Variants in SUPT3H observed in about 807,000 individuals in gnomAD.
SUPT3H encodes SPT3 homolog, SAGA and STAGA complex component, also known as transcription initiation protein SPT3 homolog.
In SUPT3H, 44 loss-of-function variants were observed where a neutral mutation model predicts 44.3. The observed-to-expected ratio is 0.99, with a 90% CI of 0.78 to 1.28. The LOEUF is 1.28. SUPT3H is among the 50% of genes most tolerant of loss of function. The pLI, the probability that SUPT3H is intolerant of heterozygous loss-of-function variation, is 0.00. For missense variants in SUPT3H, 380 were observed against 387.1 expected, an observed-to-expected ratio of 0.98 and a Z score of 0.15; for synonymous variants, 124 against 125.6, an observed-to-expected ratio of 0.99 and a Z score of 0.09.
rs1768471533 is a variant in SUPT3H at position 44,830,524 on chromosome 6, T to G, written c.913-667A>C. On this transcript the variant is annotated intron_variant, in intron 10 of 10. Transcript: ENST00000371459. ...GATTCTAAGTGCAATAATTAATACG[T>G]TTCAGTAAAGAAAGAAAAGTTGCAT... Among the ~76,000 whole-genome samples the G allele has an allele frequency of 2.0e-5, 3 of 152,210 alleles. No homozygotes were observed. The East Asian group carries it at 5.8e-4, about 29-fold the overall frequency.
intron 2 of SUPT3H, among the ~76,000 whole-genome samples, chr6:45,242,775 C>T (rs13197348): frequency 0.014 from 2,078 of 152,220 alleles, 34 homozygotes; most frequent in Middle Eastern, 0.037. Context: ...CAATGACTCA[C>T]CACCAAATAA....
chr6:44,889,693 T>C (rs914030796), intron 10 of SUPT3H, among the ~76,000 whole-genome samples: 10 of 152,268 alleles, frequency 6.6e-5, no homozygotes, highest in African/African-American at 2.4e-4. Flanking sequence ...ATTCAGGACA[T>C]AGGCATGGGC....
intron 3 of SUPT3H, among the ~76,000 whole-genome samples, chr6:45,049,999 G>A (rs933001676): frequency 1.3e-5 from 2 of 152,082 alleles, no homozygotes; most frequent in Admixed American, 6.5e-5. Context: ...GCAGCAGAAT[G>A]TTCTGGGGAA....
Position 44,953,302 on chromosome 6 carries a change from G to T in SUPT3H, c.801+8C>A, listed in dbSNP as rs372071240. On this transcript the variant is annotated splice_region_variant and intron_variant, in intron 9 of 10. Coordinates refer to ENST00000371459, the MANE Select transcript of SUPT3H (RefSeq NM_003599.4). ...AAATGTTTTAAGACAGATTTTTTTT[G>T]TACTTACCTCAGCAGAGTTGTGATA... is the stretch of plus-strand genomic sequence containing the variant. The T allele has an allele frequency of 6.2e-7, 1 of 1,607,550 alleles. No individual in the cohort carries two copies. Among genetic ancestry groups the T allele is most frequent in the Non-Finnish European group, 8.5e-7 (1 of 1,175,770 alleles).
chr6:44,877,064 T>C (rs1043309017), intron 10 of SUPT3H, among the ~76,000 whole-genome samples: 4 of 152,208 alleles, frequency 2.6e-5, no homozygotes, highest in African/African-American at 9.6e-5. Context: ...CTTTTAAATA[T>C]CTTATCCTAT....
chr6:44,814,096 G>A (rs990494996), intron 11 of SUPT3H, among the ~76,000 whole-genome samples: 1 of 152,112 alleles, frequency 6.6e-6, no homozygotes, highest in Non-Finnish European at 1.5e-5. Flanking sequence ...AGAAAAGCAG[G>A]CACATTACCT....
At chr6:45,284,408 G>A (rs1778809375) in intron 2 of SUPT3H, among the ~76,000 whole-genome samples, 1 of 151,760 alleles carries the variant, frequency 6.6e-6, no homozygotes, top group African/African-American at 2.4e-5. Flanking sequence ...ATGATAAAGG[G>A]GATATCACCA....
intron 5 of SUPT3H, among the ~76,000 whole-genome samples, chr6:45,009,861 G>GTA (rs1044023454): frequency 3.9e-5 from 6 of 152,026 alleles, no homozygotes; most frequent in Non-Finnish European, 8.8e-5. Context: ...TAGAATCAGC[G>GTA]TATTCATGAT....
At position 45,020,231 on chromosome 6, in the gene SUPT3H, T is replaced by C. The variant is rs1011103738; in HGVS notation, c.273+315A>G. ...GAAAAATAAATATGCCATTCAGTTATATCCCACTTATGACAACAGAACATA... is the reference window on the plus strand; with the variant it reads ...GAAAAATAAATATGCCATTCAGTTACATCCCACTTATGACAACAGAACATA... On this transcript the variant is annotated intron_variant, in intron 4 of 10. Transcript: ENST00000371459. 3.6e-4 allele frequency among the ~76,000 whole-genome samples: 55 copies of C among 152,024 alleles called. 1 individual carries two copies. Among genetic ancestry groups the C allele is most frequent in the Admixed American group, 1.1e-3 (16 of 15,232 alleles).
At chr6:45,335,565 G>A (rs1788379472) in intron 2 of SUPT3H, among the ~76,000 whole-genome samples, 1 of 151,128 alleles carries the variant, frequency 6.6e-6, no homozygotes, top group African/African-American at 2.4e-5. Flanking sequence ...TAAACTGTCA[G>A]ATTACAGATA....
In SUPT3H at chr6:45,363,960, C is replaced by T. The variant is rs190143284; in HGVS notation, c.101+1241G>A. Among the ~76,000 whole-genome samples the T allele has an allele frequency of 1.8e-3, 272 of 151,788 alleles. 1 individual carries two copies. Among genetic ancestry groups the T allele is most frequent in the Non-Finnish European group, 2.7e-3 (181 of 67,892 alleles). On this transcript the variant is annotated intron_variant, in intron 2 of 10. Coordinates refer to ENST00000371459, the MANE Select transcript of SUPT3H (RefSeq NM_003599.4). ...CGAAACCCTGTCTCTACTAAAAATA[C>T]AAAAATTAGCCGGGTGTGGTGGCAT...
At chr6:44,852,014 A>G (rs1772975628) in intron 10 of SUPT3H, among the ~76,000 whole-genome samples, 4 of 152,224 alleles carry the variant, frequency 2.6e-5, no homozygotes, top group Admixed American at 2.6e-4. Context: ...TGGGTGCCAA[A>G]TGAAATGGAA....
intron 2 of SUPT3H, among the ~76,000 whole-genome samples, chr6:45,351,499 C>T (rs1229717876): frequency 1.3e-5 from 2 of 152,120 alleles, no homozygotes; most frequent in Non-Finnish European, 2.9e-5. Flanking sequence ...TACCACAGCA[C>T]ACAGAAAGGA....
chr6:45,006,476 A>G (rs1782730632), intron 5 of SUPT3H, among the ~76,000 whole-genome samples: 1 of 151,448 alleles, frequency 6.6e-6, no homozygotes, highest in Admixed American at 6.6e-5. Flanking sequence ...AACGTTTACC[A>G]CCCCTTTTTC....
intron 2 of SUPT3H, among the ~76,000 whole-genome samples, chr6:45,179,117 T>G (rs1461434298): frequency 6.6e-6 from 1 of 151,974 alleles, no homozygotes; most frequent in Non-Finnish European, 1.5e-5. Flanking sequence ...GCAAATAAAC[T>G]AGAAAATCTA....
At chr6:45,233,691 T>C (rs574869340) in intron 2 of SUPT3H, among the ~76,000 whole-genome samples, 3 of 152,348 alleles carry the variant, frequency 2.0e-5, no homozygotes, top group East Asian at 3.9e-4. Flanking sequence ...TTCTCTCCTA[T>C]ATATTCTATT....
chr6:45,305,661 T>C (rs1782880634), intron 2 of SUPT3H, among the ~76,000 whole-genome samples: 1 of 152,238 alleles, frequency 6.6e-6, no homozygotes, highest in African/African-American at 2.4e-5. Flanking sequence ...TTCAAAACCA[T>C]ACATCATGTA....
At chr6:44,888,708 G>C in intron 10 of SUPT3H, among the ~76,000 whole-genome samples, 1 of 151,996 alleles carries the variant, frequency 6.6e-6, no homozygotes, top group Non-Finnish European at 1.5e-5. Flanking sequence ...ACTGGCACAA[G>C]ACAGGGATGC....
At chr6:45,270,101 A>G (rs988253371) in intron 2 of SUPT3H, among the ~76,000 whole-genome samples, 5 of 152,186 alleles carry the variant, frequency 3.3e-5, no homozygotes, top group African/African-American at 7.2e-5. Context: ...GGGACTTCAT[A>G]TGACAAGTTA....
Sources: gnomAD v4.1 joint callset for allele counts (sites outside exome capture counted in the v4.1 genomes callset) on GRCh38, gnomAD v4.1.1 for gene constraint, MANE v1.5 for transcripts, NCBI Gene and HGNC (gene_info 2026-07-23, HGNC 2026-07-21) for gene names.